The following CACNA1S variants were observed in gnomAD, a reference collection of about 807,000 sequenced individuals.
The protein encoded by CACNA1S is voltage-dependent L-type calcium channel subunit alpha-1S.
A neutral mutation model predicts 207.4 loss-of-function variants in CACNA1S; 126 were observed. That is an observed-to-expected ratio of 0.61 (90% confidence interval 0.53 to 0.70). The LOEUF (loss-of-function observed/expected upper bound fraction) is 0.70, where lower values mean the gene tolerates loss of function less well. Among genes scored for constraint, CACNA1S ranks in the 30% least tolerant of loss-of-function variants. CACNA1S has a pLI of 0.00. For missense variants in CACNA1S, 2,349 were observed against 2,422.8 expected (o/e 0.97, Z 0.64); for synonymous variants, 960 against 932.7 (o/e 1.03, Z -0.53).
intron 9 of CACNA1S, 145 bp downstream of exon 9, chr1:201,084,805 C>A: frequency 1.5e-6 from 1 of 664,084 alleles, no homozygotes; most frequent in Non-Finnish European, 2.7e-6. Context: ...AGAGCAGGAA[C>A]TGGCCCTATT....
chr1:201,096,335 G>A (rs1408461047), intron 2 of CACNA1S, among the ~76,000 whole-genome samples: 1 of 152,232 alleles, frequency 6.6e-6, no homozygotes, highest in Admixed American at 6.5e-5. Flanking sequence ...GGAGGAGAGG[G>A]AAAAGGGATG....
chr1:201,098,912 G>A (rs1171062490), intron 2 of CACNA1S, among the ~76,000 whole-genome samples: 1 of 152,020 alleles, frequency 6.6e-6, no homozygotes, highest in African/African-American at 2.4e-5. Flanking sequence ...GCTCCCTGGG[G>A]CCAAACTTAG....
At chr1:201,040,199 C>T in intron 43 of CACNA1S, 32 bp downstream of exon 43, 1 of 1,612,576 alleles carries the variant, frequency 6.2e-7, no homozygotes, top group Non-Finnish European at 8.5e-7. Flanking sequence ...CCACTCAATG[C>T]AGCCACTGCT....
At chr1:201,074,238 G>T (rs1437504841) in intron 14 of CACNA1S, among the ~76,000 whole-genome samples, 2 of 152,248 alleles carry the variant, frequency 1.3e-5, no homozygotes, top group African/African-American at 4.8e-5. Flanking sequence ...CTCCGCAGGG[G>T]AGCCCTGCCC....
At position 201,076,998 on chromosome 1, in the gene CACNA1S, C is replaced by A; in HGVS notation, c.1749G>T (p.Gly583=). Reference sequence around the variant, plus strand: ...CTTCTGTGTCTTCAAAGTCATACCTCCCCCCAAAGAGCTGCATGCCCAGGA... The same window carrying A: ...CTTCTGTGTCTTCAAAGTCATACCTACCCCCAAAGAGCTGCATGCCCAGGA... ...FALLGMQLFG[G]RYDFEDTEVR... The change falls in exon 12 of 44, where the codon GGG becomes GGT. Residue 583 remains glycine (G), a synonymous_variant. Coordinates refer to ENST00000362061, the MANE Select transcript of CACNA1S (RefSeq NM_000069.3). The A allele has an allele frequency of 6.2e-7, 1 of 1,614,180 alleles. No individual in the cohort carries two copies. The highest frequency in any genetic ancestry group is 8.5e-7 in the Non-Finnish European group (1 of 1,180,012).
At position 201,087,845 on chromosome 1, in the gene CACNA1S, C is replaced by T; in HGVS notation, c.985G>A (p.Val329Met). Residue 329 changes from valine to methionine, a missense_variant, in exon 7 of 44, where the codon GTG (valine) becomes ATG (methionine). Transcript: ENST00000362061. ...LLGSFFILNL[V>M]LGVLSGEFTK... is the part of the protein sequence containing the mutation. ...TCTTACCCACTCAGGACACCCAGCA[C>T]CAGGTTGAGGATGAAGAAGGATCCC... 2 of 1,613,268 alleles carry T rather than the reference C, an allele frequency of 1.2e-6. No individual in the cohort carries two copies. The highest frequency in any genetic ancestry group is 1.7e-6 in the Non-Finnish European group (2 of 1,179,314).
At chr1:201,040,159 C>T in intron 43 of CACNA1S, 72 bp downstream of exon 43, 1 of 1,611,804 alleles carries the variant, frequency 6.2e-7, no homozygotes, top group East Asian at 2.2e-5. Context: ...TGGCCCTACC[C>T]TCTCTCCACG....
chr1:201,072,686 G>T (rs755277500), intron 16 of CACNA1S, 69 bp downstream of exon 16: 37 of 1,159,936 alleles, frequency 3.2e-5, no homozygotes, highest in African/African-American at 4.6e-5. Context: ...CCCATGGGGA[G>T]AATTCAGGAC....
chr1:201,100,683 A>C (rs1662618649), intron 2 of CACNA1S, among the ~76,000 whole-genome samples: 1 of 152,118 alleles, frequency 6.6e-6, no homozygotes, highest in Non-Finnish European at 1.5e-5. Flanking sequence ...TGAGGGTCCC[A>C]GTAGGGCTCT....
At chr1:201,112,089 C>T (rs1355146768) in intron 1 of CACNA1S, 99 bp downstream of exon 1, 7 of 1,240,402 alleles carry the variant, frequency 5.6e-6, no homozygotes, top group Non-Finnish European at 8.0e-6. Flanking sequence ...AGTGCCAGGC[C>T]TCCCTGGCCC....
chr1:201,042,115 G>C (rs1387763169), intron 40 of CACNA1S, among the ~76,000 whole-genome samples: 1 of 152,150 alleles, frequency 6.6e-6, no homozygotes, highest in African/African-American at 2.4e-5. Context: ...TTATTATTTG[G>C]TGTTTTTTGT....
At position 201,061,432 on chromosome 1, in the gene CACNA1S, G is replaced by A. The variant is rs766639108; in HGVS notation, c.3090C>T (p.Asp1030=). The A allele has an allele frequency of 1.8e-5, 29 of 1,614,110 alleles. No homozygotes were observed. In the East Asian group the frequency reaches 4.0e-4, roughly 22 times the overall value. The change falls in exon 25 of 44, where the codon GAC becomes GAT. Residue 1030 remains aspartate, a synonymous_variant. Coordinates refer to ENST00000362061, the MANE Select transcript of CACNA1S (RefSeq NM_000069.3). ...LYKAIDSNAE[D]VGPIYNNRVE... is the part of the protein sequence containing the mutation. ...CACGGTTGTTGTAGATGGGACCCAC[G>A]TCCTCCGCATTGGAGTCTATGGCCT... is the stretch of plus-strand genomic sequence containing the variant.
rs1323823133 is a variant in CACNA1S, at chr1:201,044,327, C to T, written c.4797+1G>A. Reference sequence around the variant, plus strand: ...TAGGGGTGCTCCTGGCTCTCCCTCACCCGGAATATTCCCTCCTCCATCGCA... The same window carrying T: ...TAGGGGTGCTCCTGGCTCTCCCTCATCCGGAATATTCCCTCCTCCATCGCA... On this transcript the variant is annotated splice_donor_variant, in intron 39 of 43. Transcript: ENST00000362061. LOFTEE classifies it high-confidence loss of function. The T allele has an allele frequency of 1.2e-6, 2 of 1,613,246 alleles. No homozygotes were observed. The highest frequency in any genetic ancestry group is 1.7e-5 in the Admixed American group (1 of 59,978).
In CACNA1S at chr1:201,053,454, T is replaced by C; in HGVS notation, c.3795+5A>G. 2 of 1,614,134 alleles carry C rather than the reference T, an allele frequency of 1.2e-6. No homozygotes were observed. The highest frequency in any genetic ancestry group is 1.7e-6 in the Non-Finnish European group (2 of 1,180,018). On this transcript the variant is annotated splice_donor_5th_base_variant and intron_variant, in intron 30 of 43. Coordinates refer to ENST00000362061, the MANE Select transcript of CACNA1S (RefSeq NM_000069.3). This position sits in a 1 kb window ranked among gnomAD's most constrained non-coding sequence, Gnocchi z 5.1. ...TACGTGCAGTTTCCAGGGTCCCTGT[T>C]GCACCTGGAAGGACTTGATGAACGT...
At chr1:201,063,888 T>A (rs1384433007) in intron 22 of CACNA1S, among the ~76,000 whole-genome samples, 1 of 152,104 alleles carries the variant, frequency 6.6e-6, no homozygotes, top group African/African-American at 2.4e-5. Flanking sequence ...AATGCCCAGT[T>A]TACTATGGAA....
chr1:201,105,934 C>G (rs1172804863), intron 2 of CACNA1S, among the ~76,000 whole-genome samples: 1 of 152,166 alleles, frequency 6.6e-6, no homozygotes, highest in East Asian at 1.9e-4. Flanking sequence ...CCCTGCCCCA[C>G]CCAGCCAGTT....
At chr1:201,085,776 C>A (rs1382922508) in intron 7 of CACNA1S, among the ~76,000 whole-genome samples, 195 bp from the exon 8 acceptor site, 1 of 152,000 alleles carries the variant, frequency 6.6e-6, no homozygotes, top group Non-Finnish European at 1.5e-5. Flanking sequence ...CTCACCCGTC[C>A]CCACCCTCCA....
At chr1:201,089,556 G>T (rs2102160901) in intron 5 of CACNA1S, 93 bp from the exon 6 acceptor site, 2 of 1,257,730 alleles carry the variant, frequency 1.6e-6, no homozygotes, top group Non-Finnish European at 2.3e-6. Flanking sequence ...AGAGAATTGA[G>T]CAGTAAGTCT....
chr1:201,087,697 T>G, intron 7 of CACNA1S, 129 bp downstream of exon 7: 1 of 694,492 alleles, frequency 1.4e-6, no homozygotes, highest in African/African-American at 1.8e-5. Flanking sequence ...TCCTCCTCCC[T>G]TCTCTCCTCC....
Sources: gnomAD v4.1 joint callset for allele counts (sites outside exome capture counted in the v4.1 genomes callset) on GRCh38, gnomAD v4.1.1 for gene constraint, Gnocchi (gnomAD v3.1) non-coding constraint, MANE v1.5 for transcripts, NCBI Gene and HGNC (gene_info 2026-07-23, HGNC 2026-07-21) for gene names.